The following TTLL11 variants were observed in gnomAD, a reference collection of about 807,000 sequenced individuals.
TTLL11 encodes the protein tubulin tyrosine ligase like 11.
In TTLL11, 42 loss-of-function variants were observed where a neutral mutation model predicts 51.7. The ratio of observed to expected loss-of-function variants is 0.81; its 90% CI spans 0.64 to 1.05. The LOEUF is 1.05. Ranked by LOEUF, TTLL11 falls within the 50% of genes least tolerant of loss-of-function variation. The pLI is 0.00. For synonymous variants in TTLL11, 381 were observed against 383.5 expected, an observed-to-expected ratio of 0.99 and a Z score of 0.08; for missense variants, 799 against 940.4, an observed-to-expected ratio of 0.85 and a Z score of 1.97.
At chr9:121,903,607 G>A (rs905228489) in intron 6 of TTLL11, among the ~76,000 whole-genome samples, 1 of 152,144 alleles carries the variant, frequency 6.6e-6, no homozygotes, top group Non-Finnish European at 1.5e-5. Flanking sequence ...AAGATTAGGT[G>A]AGATTTTATA....
intron 6 of TTLL11, among the ~76,000 whole-genome samples, chr9:121,944,932 A>G (rs1400165026): frequency 6.6e-6 from 1 of 152,246 alleles, no homozygotes; most frequent in African/African-American, 2.4e-5. Flanking sequence ...ATGTGTAACA[A>G]TAACATTCAT....
rs1491414593 is a variant in TTLL11, at chr9:121,838,769, C to CAAGCAAGA, written c.1841-15891_1841-15890insTCTTGCTT. Among the ~76,000 whole-genome samples the CAAGCAAGA allele has an allele frequency of 9.2e-5, 7 of 75,760 alleles. No homozygotes were observed. In the South Asian group the frequency reaches 1.4e-3, roughly 15 times the overall value. 49.7% of individuals were successfully genotyped at this position (75,760 alleles called of 152,430 possible). ...GAGAGAAAGAAAGAGAGAAAGCAAG[C>CAAGCAAGA]AAGCAAGCAAGAAAGCAAGCAAGCA... On this transcript the variant is annotated intron_variant, in intron 8 of 8. Transcript: ENST00000321582.
chr9:121,859,769 G>T (rs1412481972), intron 8 of TTLL11, among the ~76,000 whole-genome samples: 1 of 152,124 alleles, frequency 6.6e-6, no homozygotes, highest in Non-Finnish European at 1.5e-5. Flanking sequence ...CTGTGTCCAG[G>T]CCACGGCCAG....
chr9:121,858,452 T>A (rs1341322514), intron 8 of TTLL11, among the ~76,000 whole-genome samples: 1 of 152,188 alleles, frequency 6.6e-6, no homozygotes, highest in Non-Finnish European at 1.5e-5. Flanking sequence ...GTGCTGCACA[T>A]GTAAAGTGCC....
intron 6 of TTLL11, among the ~76,000 whole-genome samples, chr9:121,880,915 C>G (rs929869155): frequency 6.6e-6 from 1 of 152,328 alleles, no homozygotes; most frequent in Non-Finnish European, 1.5e-5. Context: ...TCTCCACAGC[C>G]CACGTGTTAA....
intron 3 of TTLL11, among the ~76,000 whole-genome samples, chr9:121,991,976 C>T (rs1843128126): frequency 6.6e-6 from 1 of 152,084 alleles, no homozygotes; most frequent in Admixed American, 6.5e-5. Flanking sequence ...GCCATTTTTG[C>T]CTCTAAGATA....
intron 3 of TTLL11, among the ~76,000 whole-genome samples, chr9:122,027,458 C>A (rs1844380747): frequency 6.6e-6 from 1 of 152,076 alleles, no homozygotes; most frequent in Non-Finnish European, 1.5e-5. Flanking sequence ...TGGAGTGAAT[C>A]CTGTACCAGA....
chr9:121,865,897 C>A (rs930542454), intron 7 of TTLL11, among the ~76,000 whole-genome samples: 3 of 152,128 alleles, frequency 2.0e-5, no homozygotes, highest in Non-Finnish European at 2.9e-5. Flanking sequence ...TATGGCCAGA[C>A]TGGCATTAGC....
chr9:122,027,738 T>C (rs1457402332), intron 3 of TTLL11, among the ~76,000 whole-genome samples: 5 of 152,204 alleles, frequency 3.3e-5, no homozygotes, highest in African/African-American at 1.2e-4. Flanking sequence ...CCAGCAGACC[T>C]GCACTGTGAG....
At position 121,822,242 on chromosome 9, in the gene TTLL11, T is replaced by G; in HGVS notation, c.*345A>C. 6.2e-6 allele frequency: 1 copy of G among 161,500 alleles called. No individual in the cohort carries two copies. Among genetic ancestry groups the G allele is most frequent in the Non-Finnish European group, 1.3e-5 (1 of 74,262 alleles). The allele number at this position is 161,500 out of a possible 1,614,324, so 10.0% of individuals were successfully genotyped here. ...GCTTCCTCTCCACAGCTCCGGGCCT[T>G]GGGATCGATTGTGTCCTGTGCCCCA... On this transcript the variant is annotated 3_prime_UTR_variant, in exon 9 of 9. Transcript: ENST00000321582. The surrounding 1 kb of genome is among the most constrained non-coding windows in gnomAD (Gnocchi z 5.8).
At chr9:121,827,031 G>C (rs536043553) in intron 8 of TTLL11, among the ~76,000 whole-genome samples, 67 of 152,304 alleles carry the variant, frequency 4.4e-4, no homozygotes, top group South Asian at 1.2e-3. Flanking sequence ...GGGAGCCCCT[G>C]CAGGTGCTGG....
rs531845950 is a variant in TTLL11 at position 121,870,557 on chromosome 9, C to T, written c.1673G>A (p.Arg558Gln). ...LVDRMANLFI[R>Q]FLGIKGTMKL... is the part of the protein sequence containing the mutation. ...CATTGTCCCCTTGATGCCCAGGAACCGGATAAACAAATTTGCCATCCTGTC... is the reference window on the plus strand; with the variant it reads ...CATTGTCCCCTTGATGCCCAGGAACTGGATAAACAAATTTGCCATCCTGTC... The change falls in exon 7 of 9, where the codon CGG (arginine) becomes CAG (glutamine). Residue 558 changes from arginine (R) to glutamine (Q), a missense_variant. Transcript: ENST00000321582. The T allele has an allele frequency of 1.2e-5, 19 of 1,551,646 alleles. No homozygotes were observed. The highest frequency in any genetic ancestry group is 6.8e-5 in the African/African-American group (5 of 73,134).
chr9:121,932,692 C>CT (rs11442219), intron 6 of TTLL11, among the ~76,000 whole-genome samples: 26,083 of 152,022 alleles, frequency 0.17, 2,318 homozygotes, highest in Middle Eastern at 0.21. Flanking sequence ...AGATAACCCA[C>CT]TTTTTTTTCA....
At chr9:122,000,638 G>A (rs754479875) in intron 3 of TTLL11, among the ~76,000 whole-genome samples, 9 of 152,228 alleles carry the variant, frequency 5.9e-5, no homozygotes, top group Non-Finnish European at 4.4e-5. Flanking sequence ...GCATGGCAAC[G>A]TCAGGAAGTT....
At chr9:122,060,301 G>A (rs903178878) in intron 1 of TTLL11, among the ~76,000 whole-genome samples, 2 of 152,178 alleles carry the variant, frequency 1.3e-5, no homozygotes, top group African/African-American at 4.8e-5. Flanking sequence ...CTAACTATTT[G>A]TATAGTGATT....
At position 122,018,714 on chromosome 9, in the gene TTLL11, G is replaced by A. The variant is rs147017490; in HGVS notation, c.693+13009C>T. Among the ~76,000 whole-genome samples, 14 of 152,270 alleles carry A rather than the reference G, an allele frequency of 9.2e-5. No homozygotes were observed. The East Asian group carries it at 1.2e-3, about 13-fold the overall frequency. ...GTTTTCAGAGTCTTATTCTGTATGC[G>A]CCAGGCCCTAAACTAGCAGTTTTCA... On this transcript the variant is annotated intron_variant, in intron 3 of 8. Coordinates refer to ENST00000321582, the MANE Select transcript of TTLL11 (RefSeq NM_001139442.2).
chr9:121,862,826 CT>C (rs1444090070), intron 7 of TTLL11, among the ~76,000 whole-genome samples: 1 of 152,218 alleles, frequency 6.6e-6, no homozygotes, highest in African/African-American at 2.4e-5. Context: ...TGAAGTGGCT[CT>C]TTGATTTCCC....
chr9:121,897,640 A>ATACACACACACACGCG (rs1554766728), intron 6 of TTLL11, among the ~76,000 whole-genome samples: 7 of 139,292 alleles, frequency 5.0e-5, no homozygotes, highest in African/African-American at 1.9e-4. Flanking sequence ...ACACACACAC[A>ATACACACACACACGCG]CGCGCGCGCG....
At chr9:121,895,635 G>C (rs1383789564) in intron 6 of TTLL11, among the ~76,000 whole-genome samples, 2 of 145,126 alleles carry the variant, frequency 1.4e-5, no homozygotes, top group East Asian at 4.2e-4. Flanking sequence ...GGTCATGTGT[G>C]CTTATGAGTG....
Sources: allele counts gnomAD v4.1 joint callset (sites outside exome capture counted in the v4.1 genomes callset), GRCh38; gene constraint gnomAD v4.1.1; non-coding constraint Gnocchi (gnomAD v3.1); transcripts MANE v1.5; gene names NCBI Gene and HGNC (gene_info 2026-07-23, HGNC 2026-07-21).